PRKAR1B: variants seen among roughly 807,000 people sequenced by gnomAD.
PRKAR1B encodes protein kinase cAMP-dependent type I regulatory subunit beta.
A neutral mutation model predicts 46.5 loss-of-function variants in PRKAR1B; 22 were observed. The observed-to-expected ratio is 0.47, with a 90% CI of 0.34 to 0.68. The LOEUF (loss-of-function observed/expected upper bound fraction) is 0.68, where lower values mean the gene tolerates loss of function less well. Among genes scored for constraint, PRKAR1B ranks in the 30% least tolerant of loss-of-function variants. The pLI is 0.01. For synonymous variants in PRKAR1B, 259 were observed against 217.7 expected (o/e 1.19, Z -1.67); for missense variants, 445 against 535.6 (o/e 0.83, Z 1.67).
intron 4 of PRKAR1B, among the ~76,000 whole-genome samples, chr7:650,248 T>A (rs1286784449): frequency 4.6e-5 from 7 of 152,152 alleles, no homozygotes. Context: ...TCAATGGCAG[T>A]TCTGAGAATG....
chr7:624,198 T>C (rs901049031), intron 4 of PRKAR1B, among the ~76,000 whole-genome samples: 4 of 152,186 alleles, frequency 2.6e-5, no homozygotes, highest in African/African-American at 9.7e-5. Flanking sequence ...TTTGGGAGGC[T>C]GAGGCAGGCG....
intron 4 of PRKAR1B, among the ~76,000 whole-genome samples, chr7:630,797 GGGGAGCACACCCCCCCCACCATCTCCA>G (rs1783690194): frequency 1.3e-5 from 2 of 152,092 alleles, no homozygotes; most frequent in East Asian, 1.9e-4. Flanking sequence ...GTGCAGGGAT[GGGGAGCACACCCCCCCCACCATCTCCA>G]GGGAGCACCA....
chr7:600,797 G>A (rs1207403869), intron 6 of PRKAR1B, among the ~76,000 whole-genome samples: 1 of 152,216 alleles, frequency 6.6e-6, no homozygotes, highest in African/African-American at 2.4e-5. Flanking sequence ...GCTTGGAAGG[G>A]AGCTACGTTC....
At chr7:709,894 C>T (rs143190825) in intron 2 of PRKAR1B, among the ~76,000 whole-genome samples, 210 of 152,214 alleles carry the variant, frequency 1.4e-3, no homozygotes, top group African/African-American at 4.4e-3. Context: ...CTTCCCACCT[C>T]GACCTTCCAA....
intron 1 of PRKAR1B, among the ~76,000 whole-genome samples, chr7:725,287 T>C (rs1467820191): frequency 6.6e-6 from 1 of 151,158 alleles, no homozygotes; most frequent in Non-Finnish European, 1.5e-5. Flanking sequence ...AAAAAGAAGG[T>C]CAAACTTGAA....
chr7:710,115 C>T (rs565750298), intron 2 of PRKAR1B, among the ~76,000 whole-genome samples: 1 of 152,274 alleles, frequency 6.6e-6, no homozygotes, highest in Admixed American at 6.5e-5. Context: ...ATATTCACTC[C>T]TTTGGGTTAG....
chr7:664,282 C>A (rs996119769), intron 4 of PRKAR1B, among the ~76,000 whole-genome samples: 1 of 152,210 alleles, frequency 6.6e-6, no homozygotes, highest in Non-Finnish European at 1.5e-5. Context: ...CTGGTGCATC[C>A]CTCCTTCTGG....
At chr7:584,987 C>T (rs557190466) in intron 7 of PRKAR1B, among the ~76,000 whole-genome samples, 3 of 152,084 alleles carry the variant, frequency 2.0e-5, no homozygotes, top group African/African-American at 4.8e-5. Context: ...AGGGAGAGTG[C>T]GGCTGACGTC....
At chr7:704,761 T>A (rs2128524284) in intron 2 of PRKAR1B, among the ~76,000 whole-genome samples, 1 of 152,134 alleles carries the variant, frequency 6.6e-6, no homozygotes, top group South Asian at 2.1e-4. Flanking sequence ...AAAGCAAGAC[T>A]CTGTCTCGGA....
chr7:716,449 G>A (rs6947401), intron 1 of PRKAR1B, among the ~76,000 whole-genome samples: 26,212 of 151,910 alleles, frequency 0.17, 2,503 homozygotes, highest in East Asian at 0.29. Context: ...CAACCAAAAC[G>A]TTACACAGGG....
At chr7:719,087 T>C (rs1225965734) in intron 1 of PRKAR1B, among the ~76,000 whole-genome samples, 1 of 152,102 alleles carries the variant, frequency 6.6e-6, no homozygotes, top group Admixed American at 6.6e-5. Flanking sequence ...GTCACCAGGC[T>C]GGAGTGCAGT....
chr7:612,386 G>GCGGATGGATAGA (rs1469392425), intron 4 of PRKAR1B, among the ~76,000 whole-genome samples: 18 of 144,326 alleles, frequency 1.2e-4, no homozygotes, highest in Admixed American at 3.5e-4. Flanking sequence ...AAGTGGGTGG[G>GCGGATGGATAGA]TGGATGGATA....
chr7:572,410 T>TA (rs1411326938), intron 9 of PRKAR1B, among the ~76,000 whole-genome samples: 1 of 152,168 alleles, frequency 6.6e-6, no homozygotes, highest in African/African-American at 2.4e-5. Flanking sequence ...AGGAGGGGCC[T>TA]GCTCCTGCAG....
chr7:691,899 C>T (rs1446486094), intron 2 of PRKAR1B: 1 of 1,101,388 alleles, frequency 9.1e-7, no homozygotes, highest in African/African-American at 1.6e-5. Flanking sequence ...GCACAGACGC[C>T]TCCCTGGAGC....
chr7:562,680 G>T (rs1395310252), intron 9 of PRKAR1B, among the ~76,000 whole-genome samples: 6 of 152,200 alleles, frequency 3.9e-5, no homozygotes, highest in Non-Finnish European at 5.9e-5. Flanking sequence ...CTCTTAAAGG[G>T]TCTCTGTCAC....
rs1475170319 is a variant in PRKAR1B at position 601,899 on chromosome 7, GGTAGGGACGGGCAGGGGGAGGC to G, written c.549+4272_549+4293del. On this transcript the variant is annotated intron_variant, in intron 6 of 10. Coordinates refer to ENST00000537384, the MANE Select transcript of PRKAR1B (RefSeq NM_001164760.2). The stretch of plus-strand genomic sequence containing the variant: ...GCCTGACCCGGGGGGGCTGGGGAGG[GGTAGGGACGGGCAGGGGGAGGC>G]GCAGGGACGGGCAGGGGGATGGGGA... 2.9e-3 allele frequency among the ~76,000 whole-genome samples: 446 copies of G among 152,160 alleles called. 1 individual carries two copies. Among genetic ancestry groups the G allele is most frequent in the Non-Finnish European group, 5.1e-3 (345 of 67,966 alleles).
At chr7:724,431 C>G (rs1231116998) in intron 1 of PRKAR1B, among the ~76,000 whole-genome samples, 3 of 152,178 alleles carry the variant, frequency 2.0e-5, no homozygotes, top group Non-Finnish European at 2.9e-5. Flanking sequence ...TGCACAGGCT[C>G]TCTCATTTTC....
At chr7:692,170 C>T (rs1779466953) in intron 2 of PRKAR1B, among the ~76,000 whole-genome samples, 1 of 152,212 alleles carries the variant, frequency 6.6e-6, no homozygotes, top group South Asian at 2.1e-4. Context: ...GAGGCCAAGG[C>T]AGGCAGATCA....
At chr7:710,531 TC>T (rs1780564958) in intron 2 of PRKAR1B, among the ~76,000 whole-genome samples, 1 of 151,680 alleles carries the variant, frequency 6.6e-6, no homozygotes, top group African/African-American at 2.4e-5. Context: ...CCTGAGCTTC[TC>T]CCCGACCACA....
Sources: allele counts gnomAD v4.1 joint callset (sites outside exome capture counted in the v4.1 genomes callset), GRCh38; gene constraint gnomAD v4.1.1; transcripts MANE v1.5; gene names NCBI Gene and HGNC (gene_info 2026-07-23, HGNC 2026-07-21).